BABAM2: variants seen among roughly 807,000 people sequenced by gnomAD.
BABAM2 encodes the protein BRISC and BRCA1 A complex member 2, also known as BRISC and BRCA1-A complex member 2.
BABAM2 carries 31 observed loss-of-function variants against 54.7 expected under a neutral mutation model. The ratio of observed to expected loss-of-function variants is 0.57; its 90% confidence interval spans 0.43 to 0.77. The LOEUF (loss-of-function observed/expected upper bound fraction) is 0.77, where lower values mean the gene tolerates loss of function less well. Among genes scored for constraint, BABAM2 ranks in the 30% least tolerant of loss-of-function variants. BABAM2 has a pLI of 0.00. For synonymous variants in BABAM2, 167 were observed against 162.9 expected (o/e 1.03, Z -0.19); for missense variants, 364 against 455.8 (o/e 0.80, Z 1.83).
intron 7 of BABAM2, among the ~76,000 whole-genome samples, chr2:28,133,383 C>T (rs1202457584): frequency 6.6e-6 from 1 of 152,226 alleles, no homozygotes; most frequent in African/African-American, 2.4e-5. Context: ...ATGGGAAAAG[C>T]ATCCCATGTG....
intron 7 of BABAM2, among the ~76,000 whole-genome samples, chr2:28,224,045 A>G (rs993775702): frequency 2.0e-5 from 3 of 152,220 alleles, no homozygotes; most frequent in Non-Finnish European, 4.4e-5. Context: ...ATGTTGAAGA[A>G]GAGGCTATTT....
intron 6 of BABAM2, 75 bp downstream of exon 6, chr2:28,045,874 A>T: frequency 4.3e-6 from 5 of 1,166,874 alleles, no homozygotes; most frequent in African/African-American, 1.5e-5. Flanking sequence ...TATTTGTATG[A>T]CTGGTTTGTC....
intron 7 of BABAM2, among the ~76,000 whole-genome samples, chr2:28,212,943 G>A (rs779271727): frequency 6.6e-6 from 1 of 152,170 alleles, no homozygotes; most frequent in African/African-American, 2.4e-5. Flanking sequence ...TTATGGCTGG[G>A]TACAGTGGCT....
intron 7 of BABAM2, among the ~76,000 whole-genome samples, chr2:28,175,720 C>T (rs539918652): frequency 6.6e-6 from 1 of 152,336 alleles, no homozygotes; most frequent in South Asian, 2.1e-4. Flanking sequence ...ATTTTGTCCA[C>T]ACTCCAGCCT....
intron 2 of BABAM2, among the ~76,000 whole-genome samples, chr2:27,915,011 CT>C (rs1666863075): frequency 6.6e-6 from 1 of 152,060 alleles, no homozygotes; most frequent in Non-Finnish European, 1.5e-5. Context: ...ATATTCTTCT[CT>C]TTGTTTCCCT....
chr2:28,241,535 C>T, intron 9 of BABAM2, 142 bp downstream of exon 9: 1 of 750,080 alleles, frequency 1.3e-6, no homozygotes, highest in Middle Eastern at 2.7e-4. Flanking sequence ...CGCTCTGTCA[C>T]CCAGGCTGGA....
At chr2:27,951,509 G>A (rs1053541262) in intron 3 of BABAM2, among the ~76,000 whole-genome samples, 4 of 152,100 alleles carry the variant, frequency 2.6e-5, no homozygotes, top group Admixed American at 2.6e-4. Flanking sequence ...CCTTTTAAAT[G>A]TATTGAGATT....
At chr2:28,132,689 C>T (rs67404473) in intron 7 of BABAM2, among the ~76,000 whole-genome samples, 5,434 of 152,262 alleles carry the variant, frequency 0.036, 227 homozygotes, top group South Asian at 0.19. Flanking sequence ...TCTCTACCAA[C>T]CATTTTCCCT....
At chr2:27,974,811 T>A (rs1303864270) in intron 3 of BABAM2, among the ~76,000 whole-genome samples, 1 of 152,128 alleles carries the variant, frequency 6.6e-6, no homozygotes, top group Non-Finnish European at 1.5e-5. Context: ...ATCTACCTAA[T>A]TTGCGTATAA....
chr2:28,148,437 A>C (rs1671709172), intron 7 of BABAM2, among the ~76,000 whole-genome samples: 1 of 152,242 alleles, frequency 6.6e-6, no homozygotes, highest in Non-Finnish European at 1.5e-5. Context: ...GAAACCATTT[A>C]GTACATAGTT....
chr2:28,247,356 T>C (rs1683001426), intron 10 of BABAM2, among the ~76,000 whole-genome samples: 1 of 152,246 alleles, frequency 6.6e-6, no homozygotes, highest in Non-Finnish European at 1.5e-5. Flanking sequence ...TTATCTAAAA[T>C]ATAGGACTTG....
chr2:28,281,525 GA>G (rs1348384060), intron 10 of BABAM2, among the ~76,000 whole-genome samples: 2 of 152,202 alleles, frequency 1.3e-5, no homozygotes, highest in African/African-American at 4.8e-5. Context: ...AGCCTTTCCA[GA>G]GATGGAAGCA....
chr2:28,018,079 G>A (rs758927834), intron 4 of BABAM2, among the ~76,000 whole-genome samples: 3 of 152,100 alleles, frequency 2.0e-5, no homozygotes, highest in Non-Finnish European at 2.9e-5. Context: ...TCTGAGATTG[G>A]TACATCCATC....
At position 28,025,370 on chromosome 2, in the gene BABAM2, C is replaced by T. The variant is rs1245232744; in HGVS notation, c.445C>T (p.Pro149Ser). 1 of 1,606,602 alleles carries T rather than the reference C, an allele frequency of 6.2e-7. No individual in the cohort carries two copies. Among genetic ancestry groups the T allele is most frequent in the Non-Finnish European group, 8.5e-7 (1 of 1,177,808 alleles). The change falls in exon 5 of 12, where the codon CCA becomes TCA. Residue 149 changes from proline to serine, a missense_variant. Transcript: ENST00000379624. ...TGAATACCAGACATTACTGGAGGAG[C>T]CACAGTATGGAGAGAACATGGAAAT... is the stretch of plus-strand genomic sequence containing the variant. ...MFEYQTLLEE[P>S]QYGENMEIYA... is the part of the protein sequence containing the mutation.
chr2:28,288,333 T>C (rs1006707055), intron 10 of BABAM2, among the ~76,000 whole-genome samples: 6 of 150,550 alleles, frequency 4.0e-5, no homozygotes, highest in Non-Finnish European at 4.4e-5. Flanking sequence ...TCTTTTCTTT[T>C]TTTTTTTTTT....
At chr2:28,307,175 T>C (rs934586539) in intron 11 of BABAM2, among the ~76,000 whole-genome samples, 9 of 149,940 alleles carry the variant, frequency 6.0e-5, no homozygotes, top group African/African-American at 2.2e-4. Flanking sequence ...CCTGGCTATT[T>C]TTTATATTTT....
chr2:28,033,235 T>A (rs1316552616), intron 5 of BABAM2, among the ~76,000 whole-genome samples: 2 of 152,082 alleles, frequency 1.3e-5, no homozygotes, highest in African/African-American at 2.4e-5. Flanking sequence ...ACTATTATTA[T>A]TATTTATTAT....
At chr2:28,199,877 T>C (rs1459417162) in intron 7 of BABAM2, among the ~76,000 whole-genome samples, 1 of 152,144 alleles carries the variant, frequency 6.6e-6, no homozygotes, top group Non-Finnish European at 1.5e-5. Flanking sequence ...TTATCTAGGA[T>C]TGGCACCAAG....
chr2:28,073,910 A>G (rs183218227), intron 6 of BABAM2, among the ~76,000 whole-genome samples: 8 of 152,266 alleles, frequency 5.3e-5, no homozygotes, highest in Admixed American at 1.3e-4. Flanking sequence ...GCTAATTAGG[A>G]TAAAGTCTTA....
Sources: allele counts gnomAD v4.1 joint callset (sites outside exome capture counted in the v4.1 genomes callset), GRCh38; gene constraint gnomAD v4.1.1; transcripts MANE v1.5; gene names NCBI Gene and HGNC (gene_info 2026-07-23, HGNC 2026-07-21).